The following AADAT variants were observed in gnomAD, a reference collection of about 807,000 sequenced individuals.
The protein encoded by AADAT is kynurenine/alpha-aminoadipate aminotransferase, mitochondrial.
AADAT carries 25 observed loss-of-function variants against 56.2 expected under a neutral mutation model. The ratio of observed to expected loss-of-function variants is 0.44; its 90% CI spans 0.32 to 0.62. AADAT has a LOEUF of 0.62. Among genes scored for constraint, AADAT ranks in the 20% least tolerant of loss-of-function variants. The pLI is 0.04. For missense variants in AADAT, 387 were observed against 510.5 expected, an observed-to-expected ratio of 0.76 and a Z score of 2.33; for synonymous variants, 173 against 164.7, an observed-to-expected ratio of 1.05 and a Z score of -0.39.
chr4:170,061,086 G>A (rs1561008558), intron 12 of AADAT, 117 bp from the exon 13 acceptor site: 1 of 648,488 alleles, frequency 1.5e-6, no homozygotes, highest in East Asian at 3.3e-5. Context: ...AGAAGGCATT[G>A]AAAAGTCAAG....
At chr4:170,075,315 T>G (rs1731979794) in intron 4 of AADAT, among the ~76,000 whole-genome samples, 1 of 152,216 alleles carries the variant, frequency 6.6e-6, no homozygotes, top group South Asian at 2.1e-4. Context: ...TGTGGTAAAA[T>G]TGTTGCCATT....
chr4:170,092,358 G>C (rs1052982089), upstream of AADAT, among the ~76,000 whole-genome samples: 3 of 152,212 alleles, frequency 2.0e-5, no homozygotes, highest in Non-Finnish European at 4.4e-5. Context: ...AAATCCAGCC[G>C]AGCTGTCTTA....
intron 10 of AADAT, among the ~76,000 whole-genome samples, chr4:170,065,178 G>C (rs2111145055): frequency 6.6e-6 from 1 of 152,286 alleles, no homozygotes; most frequent in East Asian, 1.9e-4. Flanking sequence ...TTTCAATTTA[G>C]AAGAGGATTC....
intron 10 of AADAT, among the ~76,000 whole-genome samples, chr4:170,065,552 G>A (rs1731415856): frequency 6.6e-6 from 1 of 151,620 alleles, no homozygotes; most frequent in African/African-American, 2.4e-5. Flanking sequence ...CCAGGCTGGA[G>A]TGCAATGGCA....
chr4:170,062,424 AAGC>A (rs1313699350), intron 11 of AADAT, among the ~76,000 whole-genome samples: 3 of 152,248 alleles, frequency 2.0e-5, no homozygotes, highest in Admixed American at 6.5e-5. Flanking sequence ...ATCAGGCAAA[AAGC>A]AGGGAGCAGT....
At chr4:170,079,523 G>C (rs1732192183) in intron 3 of AADAT, among the ~76,000 whole-genome samples, 1 of 152,202 alleles carries the variant, frequency 6.6e-6, no homozygotes, top group Non-Finnish European at 1.5e-5. Context: ...GATTGTTTGG[G>C]AAGTTACTGC....
intron 4 of AADAT, among the ~76,000 whole-genome samples, chr4:170,076,254 T>A (rs753485770): frequency 4.7e-4 from 72 of 152,172 alleles, no homozygotes; most frequent in Non-Finnish European, 6.5e-4. Context: ...TATTTTTTTT[T>A]AAATAATAGC....
chr4:170,065,149 A>G (rs1731387371), intron 10 of AADAT, among the ~76,000 whole-genome samples: 1 of 152,176 alleles, frequency 6.6e-6, no homozygotes, highest in Non-Finnish European at 1.5e-5. Context: ...TTAGAACCAT[A>G]CCTAGACAAA....
At chr4:170,080,276 T>A (rs746125391) in intron 3 of AADAT, among the ~76,000 whole-genome samples, 2 of 152,058 alleles carry the variant, frequency 1.3e-5, no homozygotes, top group Non-Finnish European at 2.9e-5. Flanking sequence ...AAGAAAGGCA[T>A]ACTTCAGCAT....
At position 170,089,163 on chromosome 4, in the gene AADAT, G is replaced by C. The variant is rs907956233; in HGVS notation, c.67+461C>G. ...GAAGGTGACCAAAGAGAAGGCAGAG[G>C]GATCAGAAAGACAGCAAAGGGCCAC... is the stretch of plus-strand genomic sequence containing the variant. On this transcript the variant is annotated intron_variant, in intron 1 of 12. Transcript: ENST00000337664. The C allele has an allele frequency of 3.5e-5, 10 of 281,798 alleles. 1 individual carries two copies. Among genetic ancestry groups the C allele is most frequent in the Middle Eastern group, 4.1e-4 (1 of 2,422 alleles). The allele number at this position is 281,798 out of a possible 1,614,324, so 17.5% of individuals were successfully genotyped here. A position where few individuals can be genotyped will look rare whatever the true frequency, so the allele number is the denominator to read the frequency against.
In AADAT at chr4:170,087,515, T is replaced by G. The variant is rs1479408488; in HGVS notation, c.237-267A>C. On this transcript the variant is annotated intron_variant, in intron 2 of 12. Coordinates refer to ENST00000337664, the MANE Select transcript of AADAT (RefSeq NM_016228.4). ...CTGAGATTTGAATCTACATCTTTCT[T>G]ATTCCAAACCTGAAGTCTTTAGCGC... Among the ~76,000 whole-genome samples, 3 of 152,220 alleles carry G rather than the reference T, an allele frequency of 2.0e-5. No homozygotes were observed. The East Asian group carries it at 5.8e-4, about 29-fold the overall frequency.
At chr4:170,079,334 T>A (rs970612442) in intron 3 of AADAT, among the ~76,000 whole-genome samples, 1 of 152,040 alleles carries the variant, frequency 6.6e-6, no homozygotes, top group African/African-American at 2.4e-5. Flanking sequence ...CAGACAGAAG[T>A]GGGCAGAGAC....
chr4:170,093,873 C>G (rs1165535811), upstream of AADAT, among the ~76,000 whole-genome samples: 5 of 152,218 alleles, frequency 3.3e-5, no homozygotes, highest in Admixed American at 3.3e-4. Flanking sequence ...GCTGAGATTA[C>G]AGGCATGAGC....
intron 3 of AADAT, among the ~76,000 whole-genome samples, chr4:170,086,532 T>C (rs1208352673): frequency 6.6e-6 from 1 of 152,102 alleles, no homozygotes; most frequent in Non-Finnish European, 1.5e-5. Context: ...TGTAAAAGAA[T>C]ATAAATATGT....
intron 4 of AADAT, among the ~76,000 whole-genome samples, chr4:170,074,466 T>A: frequency 6.6e-6 from 1 of 152,144 alleles, no homozygotes; most frequent in Admixed American, 6.5e-5. Flanking sequence ...GTTTATGAAG[T>A]AGGCGTTTTA....
At chr4:170,071,156 A>G (rs1171459517) in intron 5 of AADAT, among the ~76,000 whole-genome samples, 1 of 152,066 alleles carries the variant, frequency 6.6e-6, no homozygotes, top group Non-Finnish European at 1.5e-5. Flanking sequence ...CAAGTGATCC[A>G]CCTGCCTCAG....
chr4:170,089,328 C>T lies in AADAT; in HGVS notation c.67+296G>A, dbSNP rs186100764. On this transcript the variant is annotated intron_variant, in intron 1 of 12. Coordinates refer to ENST00000337664, the MANE Select transcript of AADAT (RefSeq NM_016228.4). The stretch of plus-strand genomic sequence containing the variant: ...CCCTTCTCAGCTTCCCAGGAAGAGC[C>T]TTTCTTGATAGCACGCCCCCTCCCT... The T allele has an allele frequency of 8.1e-4, 468 of 574,536 alleles. 5 individuals carry two copies. The East Asian group carries it at 0.015, about 18-fold the overall frequency. The allele number at this position is 574,536 out of a possible 1,614,324, so 35.6% of individuals were successfully genotyped here.
chr4:170,094,146 G>C (rs1384785687), upstream of AADAT, among the ~76,000 whole-genome samples: 3 of 152,224 alleles, frequency 2.0e-5, no homozygotes, highest in Non-Finnish European at 4.4e-5. Flanking sequence ...TGGAGAGGCA[G>C]AGAAATGGCC....
intron 11 of AADAT, among the ~76,000 whole-genome samples, chr4:170,064,009 A>G (rs1731322655): frequency 6.6e-6 from 1 of 152,148 alleles, no homozygotes; most frequent in Non-Finnish European, 1.5e-5. Context: ...TTAAGTGAAA[A>G]AAAAATCAGG....
Sources: allele counts gnomAD v4.1 joint callset (sites outside exome capture counted in the v4.1 genomes callset), GRCh38; gene constraint gnomAD v4.1.1; transcripts MANE v1.5; gene names NCBI Gene and HGNC (gene_info 2026-07-23, HGNC 2026-07-21).